Variants in SLC25A48 observed in about 807,000 individuals in gnomAD.
SLC25A48 encodes CTC-321K16.1.
SLC25A48 carries 29 observed loss-of-function variants against 32.2 expected under a neutral mutation model. The observed-to-expected ratio is 0.90, with a 90% CI of 0.67 to 1.23. The LOEUF (loss-of-function observed/expected upper bound fraction) is 1.23, where lower values mean the gene tolerates loss of function less well. SLC25A48 is among the 50% of genes most tolerant of loss of function. The probability of loss-of-function intolerance (pLI) is 0.00; values close to 1 mark genes in which losing one functional copy is unlikely to be tolerated. For missense variants in SLC25A48, 399 were observed against 422.7 expected (o/e 0.94, Z 0.49); for synonymous variants, 164 against 172.3 (o/e 0.95, Z 0.38).
intron 3 of SLC25A48, among the ~76,000 whole-genome samples, chr5:135,767,427 T>C (rs1372294020): frequency 6.6e-6 from 1 of 151,772 alleles, no homozygotes; most frequent in African/African-American, 2.4e-5. Flanking sequence ...GTTCATAATA[T>C]CCTGGGAAAA....
chr5:135,716,284 G>A (rs1754794259), intron 3 of SLC25A48, among the ~76,000 whole-genome samples: 1 of 152,202 alleles, frequency 6.6e-6, no homozygotes, highest in Non-Finnish European at 1.5e-5. Context: ...GAGAAAACTG[G>A]GAGAGAACTG....
rs1295751311 is a variant in SLC25A48 at position 135,781,908 on chromosome 5, T to C, written c.-520-30615T>C. ...TTCACTTCCCATGTGATATTGTTCCTAATAATCAGTGGTTGGGGGGAGGGG... is the reference window on the plus strand; with the variant it reads ...TTCACTTCCCATGTGATATTGTTCCCAATAATCAGTGGTTGGGGGGAGGGG... On this transcript the variant is annotated intron_variant, in intron 3 of 10. Transcript: ENST00000646290. Among the ~76,000 whole-genome samples the C allele has an allele frequency of 2.6e-5, 3 of 113,698 alleles. 1 individual carries two copies. In the Admixed American group the frequency reaches 2.7e-4, roughly 10 times the overall value. The allele number at this position is 113,698 out of a possible 152,430, so 74.6% of individuals were successfully genotyped here. A position where few individuals can be genotyped will look rare whatever the true frequency, so the allele number is the denominator to read the frequency against.
intron 3 of SLC25A48, among the ~76,000 whole-genome samples, chr5:135,744,217 C>T (rs1755580217): frequency 6.6e-6 from 1 of 152,196 alleles, no homozygotes; most frequent in Admixed American, 6.5e-5. Context: ...CCTCCTGGAA[C>T]CTCTCCAGGG....
chr5:135,716,043 A>G (rs1198872162), intron 3 of SLC25A48, among the ~76,000 whole-genome samples: 5 of 152,218 alleles, frequency 3.3e-5, no homozygotes, highest in Admixed American at 1.3e-4. Context: ...GCAGTTTCCA[A>G]GGGTTTCAAG....
intron 1 of SLC25A48, among the ~76,000 whole-genome samples, chr5:135,620,957 G>C (rs536850040): frequency 6.6e-6 from 1 of 152,260 alleles, no homozygotes; most frequent in Non-Finnish European, 1.5e-5. Context: ...GCAAATCCCA[G>C]CTAAGCAGGC....
chr5:135,790,702 G>A lies in SLC25A48; in HGVS notation c.-520-21821G>A, dbSNP rs116375176. ...TGGTGATGCTACTCCTAATGTCACAGTGGGTGTACACTATGTGTATACACT... is the reference window on the plus strand; with the variant it reads ...TGGTGATGCTACTCCTAATGTCACAATGGGTGTACACTATGTGTATACACT... On this transcript the variant is annotated intron_variant, in intron 3 of 10. Transcript: ENST00000646290. 3.5e-3 allele frequency among the ~76,000 whole-genome samples: 528 copies of A among 152,048 alleles called. 4 individuals carry two copies. The highest frequency in any genetic ancestry group is 0.012 in the African/African-American group (493 of 41,480).
upstream of SLC25A48, among the ~76,000 whole-genome samples, chr5:135,833,836 G>A (rs1028140853): frequency 6.6e-6 from 1 of 152,160 alleles, no homozygotes; most frequent in Non-Finnish European, 1.5e-5. Context: ...GAAGAAGGAG[G>A]TCTGGCTGGC....
At chr5:135,793,147 G>A (rs1401853658) in intron 3 of SLC25A48, among the ~76,000 whole-genome samples, 4 of 150,940 alleles carry the variant, frequency 2.7e-5, no homozygotes, top group African/African-American at 7.3e-5. Flanking sequence ...GATATCGCTC[G>A]TAATATCCGG....
chr5:135,678,195 G>A (rs1276146072), intron 3 of SLC25A48, among the ~76,000 whole-genome samples: 1 of 152,036 alleles, frequency 6.6e-6, no homozygotes, highest in Admixed American at 6.6e-5. Context: ...TACCACATAA[G>A]CTTTGTTCAT....
chr5:135,817,366 T>C (rs1237628264), intron 4 of SLC25A48, among the ~76,000 whole-genome samples: 3 of 152,220 alleles, frequency 2.0e-5, no homozygotes, highest in African/African-American at 7.2e-5. Flanking sequence ...TGGAACAGAA[T>C]AGACAATCCA....
chr5:135,777,325 T>A (rs1756590405), intron 3 of SLC25A48, among the ~76,000 whole-genome samples: 1 of 151,808 alleles, frequency 6.6e-6, no homozygotes. Flanking sequence ...CACCCCCCAA[T>A]ATTGTTCCCA....
chr5:135,688,879 C>CATAT, intron 3 of SLC25A48, among the ~76,000 whole-genome samples: 1 of 152,324 alleles, frequency 6.6e-6, no homozygotes, highest in East Asian at 1.9e-4. Context: ...CATGTCCAAC[C>CATAT]ATATAATCAA....
At position 135,880,022 on chromosome 5, in the gene SLC25A48, G is replaced by A. The variant is rs887449914; in HGVS notation, c.868G>A (p.Ala290Thr). The change falls in exon 7 of 8, where the codon GCC becomes ACC. Residue 290 changes from alanine to threonine, a missense_variant. By Grantham distance (58) the Ala-to-Thr change is moderately conservative. Coordinates refer to ENST00000681962, the MANE Select transcript of SLC25A48 (RefSeq NM_001349336.2). ...GGTGCGGGGCTTCCCCATGAGTGCG[G>A]CCATGTTCCTTGGGTACGAGCTGTC... ...NAVRGFPMSA[A>T]MFLGYELSLQ... is the part of the protein sequence containing the mutation. 3.9e-6 allele frequency: 6 copies of A among 1,536,220 alleles called. No individual in the cohort carries two copies. The highest frequency in any genetic ancestry group is 5.2e-6 in the Non-Finnish European group (6 of 1,146,968).
At chr5:135,876,677 A>G (rs1261038234) in intron 6 of SLC25A48, among the ~76,000 whole-genome samples, 3 of 152,382 alleles carry the variant, frequency 2.0e-5, no homozygotes, top group African/African-American at 7.2e-5. Context: ...AAACATTTAC[A>G]GTGTATAAAA....
intron 3 of SLC25A48, among the ~76,000 whole-genome samples, chr5:135,851,189 G>A (rs1236931043): frequency 1.3e-5 from 2 of 152,160 alleles, no homozygotes; most frequent in Non-Finnish European, 2.9e-5. Flanking sequence ...TGTCTCCACC[G>A]GACTCCATCC....
At chr5:135,739,935 A>T (rs1447890546) in intron 3 of SLC25A48, among the ~76,000 whole-genome samples, 3 of 152,184 alleles carry the variant, frequency 2.0e-5, no homozygotes, top group Non-Finnish European at 4.4e-5. Flanking sequence ...AATGATATAA[A>T]CAGTTGTCTA....
intron 3 of SLC25A48, among the ~76,000 whole-genome samples, chr5:135,738,415 C>T (rs1755427041): frequency 6.6e-6 from 1 of 152,142 alleles, no homozygotes; most frequent in African/African-American, 2.4e-5. Context: ...CACCAGGACC[C>T]CTGGGCCCGT....
intron 1 of SLC25A48, among the ~76,000 whole-genome samples, chr5:135,598,023 A>AAAGC (rs1561751683): frequency 2.0e-4 from 30 of 146,974 alleles, no homozygotes; most frequent in African/African-American, 8.1e-4. Context: ...ATCAAACCAA[A>AAAGC]AAACAAACAA....
intron 3 of SLC25A48, among the ~76,000 whole-genome samples, chr5:135,809,017 T>C (rs1269683134): frequency 6.6e-6 from 1 of 152,098 alleles, no homozygotes; most frequent in Non-Finnish European, 1.5e-5. Flanking sequence ...TAAAATGTTA[T>C]AGGCTGGGTC....
Sources: gnomAD v4.1 joint callset for allele counts (sites outside exome capture counted in the v4.1 genomes callset) on GRCh38, gnomAD v4.1.1 for gene constraint, MANE v1.5 for transcripts, NCBI Gene and HGNC (gene_info 2026-07-23, HGNC 2026-07-21) for gene names.